HYDIN: variants seen among roughly 807,000 people sequenced by gnomAD.
The protein encoded by HYDIN is HYDIN axonemal central pair apparatus protein.
HYDIN carries 132 observed loss-of-function variants against 403.9 expected under a neutral mutation model. That is an observed-to-expected ratio of 0.33 (90% CI 0.28 to 0.38). The LOEUF is 0.38. Among genes scored for constraint, HYDIN ranks in the 10% least tolerant of loss-of-function variants. The pLI, the probability that HYDIN is intolerant of heterozygous loss-of-function variation, is 1.00. For synonymous variants in HYDIN, 1,202 were observed against 1,891.7 expected (o/e 0.64, Z 9.46); for missense variants, 2,827 against 5,009.5 (o/e 0.56, Z 13.15).
chr16:70,995,339 G>T (rs913766983), intron 23 of HYDIN, among the ~76,000 whole-genome samples: 1 of 152,122 alleles, frequency 6.6e-6, no homozygotes, highest in African/African-American at 2.4e-5. Context: ...AATCGATACT[G>T]TTCCAATTCC....
At chr16:70,963,256 C>T (rs534938748) in intron 37 of HYDIN, among the ~76,000 whole-genome samples, 2 of 151,914 alleles carry the variant, frequency 1.3e-5, no homozygotes, top group South Asian at 2.1e-4. Flanking sequence ...CACTTTAGCT[C>T]AGTGCTTGCA....
intron 28 of HYDIN, among the ~76,000 whole-genome samples, chr16:70,981,850 C>A (rs545558665): frequency 6.6e-6 from 1 of 151,892 alleles, no homozygotes; most frequent in Admixed American, 6.6e-5. Context: ...ATGGTTCGGC[C>A]GGGCCTGGTG....
chr16:71,048,816 G>A (rs1389513574), intron 18 of HYDIN, among the ~76,000 whole-genome samples: 1 of 152,108 alleles, frequency 6.6e-6, no homozygotes, highest in East Asian at 1.9e-4. Context: ...AAATCCCCAC[G>A]ACACATAATT....
intron 41 of HYDIN, among the ~76,000 whole-genome samples, chr16:70,948,761 T>C (rs369960203): frequency 4.0e-5 from 6 of 150,458 alleles, no homozygotes; most frequent in African/African-American, 9.9e-5. Flanking sequence ...CAATGAGATA[T>C]CATCTCACAC....
At chr16:70,814,189 T>C (rs940783309) in intron 84 of HYDIN, among the ~76,000 whole-genome samples, 1 of 152,096 alleles carries the variant, frequency 6.6e-6, no homozygotes, top group East Asian at 1.9e-4. Context: ...ACAGATCTAC[T>C]AGGTTAACAG....
At chr16:70,895,930 A>C in intron 54 of HYDIN, 51 bp downstream of exon 54, 1 of 1,551,400 alleles carries the variant, frequency 6.4e-7, no homozygotes, top group Non-Finnish European at 8.7e-7. Context: ...GAAATACACT[A>C]TACAAAAGAC....
intron 7 of HYDIN, among the ~76,000 whole-genome samples, chr16:71,150,477 G>C (rs947900885): frequency 8.5e-5 from 13 of 152,108 alleles, no homozygotes; most frequent in Non-Finnish European, 1.3e-4. Context: ...TCCAGAACAA[G>C]ACGGAAAACA....
intron 1 of HYDIN, among the ~76,000 whole-genome samples, chr16:71,207,496 A>G (rs1464496702): frequency 6.6e-6 from 1 of 152,242 alleles, no homozygotes; most frequent in East Asian, 1.9e-4. Flanking sequence ...CAGTGAGACT[A>G]TAAAGCAACC....
At chr16:71,031,992 A>C in intron 18 of HYDIN, 75 bp from the exon 19 acceptor site, 1 of 956,324 alleles carries the variant, frequency 1.0e-6, no homozygotes, top group Non-Finnish European at 1.6e-6. Flanking sequence ...AGCCCTCTAC[A>C]CTTCAAATGG....
chr16:71,040,376 G>C (rs72795706), intron 18 of HYDIN, among the ~76,000 whole-genome samples: 41 of 141,950 alleles, frequency 2.9e-4, no homozygotes, highest in African/African-American at 9.4e-4. Flanking sequence ...CTCCTGCTGG[G>C]GATTCTGCAT....
intron 41 of HYDIN, among the ~76,000 whole-genome samples, chr16:70,944,625 G>A (rs1213543311): frequency 6.6e-6 from 1 of 152,210 alleles, no homozygotes; most frequent in African/African-American, 2.4e-5. Flanking sequence ...GAAGGTTAAA[G>A]ACACCACACC....
At chr16:71,117,032 A>T (rs199637350) in intron 9 of HYDIN, among the ~76,000 whole-genome samples, 118 of 136,342 alleles carry the variant, frequency 8.7e-4, no homozygotes, top group Middle Eastern at 3.8e-3. Flanking sequence ...TGTGTCTATA[A>T]AAATACAGCC....
At chr16:71,195,236 T>A (rs1177635959) in intron 1 of HYDIN, among the ~76,000 whole-genome samples, 3 of 151,832 alleles carry the variant, frequency 2.0e-5, no homozygotes, top group African/African-American at 7.3e-5. Flanking sequence ...GGTGTTATTG[T>A]TAGCAGAAAG....
chr16:70,926,492 A>G (rs894087989), intron 45 of HYDIN, among the ~76,000 whole-genome samples: 49 of 152,076 alleles, frequency 3.2e-4, no homozygotes, highest in African/African-American at 1.2e-3. Context: ...GGATAGCATT[A>G]GGAGATATAC....
At chr16:71,132,769 G>A (rs2084762662) in intron 8 of HYDIN, 1 of 152,314 alleles carries the variant, frequency 6.6e-6, no homozygotes, top group Admixed American at 6.5e-5. Context: ...GAGGAGAGAG[G>A]GTACTGGATT....
chr16:71,219,716 T>C (rs946848476), intron 1 of HYDIN, among the ~76,000 whole-genome samples: 5 of 152,204 alleles, frequency 3.3e-5, no homozygotes, highest in African/African-American at 9.6e-5. Context: ...TTAAATTGCA[T>C]TAGAGGCATT....
chr16:71,028,441 T>C (rs1224559945), intron 19 of HYDIN, among the ~76,000 whole-genome samples: 1 of 152,120 alleles, frequency 6.6e-6, no homozygotes, highest in African/African-American at 2.4e-5. Flanking sequence ...CATTTGTTCA[T>C]CATGCATTCA....
At chr16:71,208,862 A>C (rs1023541937) in intron 1 of HYDIN, among the ~76,000 whole-genome samples, 3 of 152,174 alleles carry the variant, frequency 2.0e-5, no homozygotes, top group Non-Finnish European at 4.4e-5. Context: ...TTGAATCCCT[A>C]AACAGACTAA....
intron 53 of HYDIN, among the ~76,000 whole-genome samples, chr16:70,896,476 C>T (rs1168783143): frequency 1.3e-5 from 2 of 152,078 alleles, no homozygotes; most frequent in African/African-American, 4.8e-5. Context: ...TCTCAGCCTC[C>T]CGAGTAGGTG....
Sources: gnomAD v4.1 joint callset for allele counts (sites outside exome capture counted in the v4.1 genomes callset) on GRCh38, gnomAD v4.1.1 for gene constraint, MANE v1.5 for transcripts, NCBI Gene and HGNC (gene_info 2026-07-23, HGNC 2026-07-21) for gene names.